The following GRID2 variants were observed in gnomAD, a reference collection of about 807,000 sequenced individuals.
GRID2 encodes glutamate ionotropic receptor delta type subunit 2, also known as glutamate receptor ionotropic, delta-2.
A neutral mutation model predicts 114.8 loss-of-function variants in GRID2; 33 were observed. The observed-to-expected ratio is 0.29, with a 90% CI of 0.22 to 0.38. The LOEUF is 0.38. GRID2 is among the 10% of genes least tolerant of loss of function. The pLI is 1.00. For missense variants in GRID2, 1,184 were observed against 1,257.7 expected (o/e 0.94, Z 0.89); for synonymous variants, 505 against 449.9 (o/e 1.12, Z -1.55).
At chr4:93,473,235 A>G (rs1580182331) in intron 11 of GRID2, among the ~76,000 whole-genome samples, 1 of 152,162 alleles carries the variant, frequency 6.6e-6, no homozygotes, top group South Asian at 2.1e-4. Flanking sequence ...TAGTGGTTCA[A>G]TCTTTGTGCA....
At chr4:93,138,265 G>A (rs1022799310) in intron 4 of GRID2, among the ~76,000 whole-genome samples, 1 of 151,818 alleles carries the variant, frequency 6.6e-6, no homozygotes, top group Non-Finnish European at 1.5e-5. Context: ...GTGAGCCAAG[G>A]CACTCAGCTG....
intron 1 of GRID2, among the ~76,000 whole-genome samples, chr4:92,414,218 T>G (rs963819290): frequency 4.6e-5 from 7 of 152,118 alleles, no homozygotes; most frequent in African/African-American, 1.7e-4. Flanking sequence ...ATGGTAAAAG[T>G]TAAAAGCATC....
intron 8 of GRID2, among the ~76,000 whole-genome samples, chr4:93,382,673 A>G (rs560431156): frequency 1.3e-5 from 2 of 151,846 alleles, no homozygotes; most frequent in South Asian, 2.1e-4. Context: ...GAGCATCTTT[A>G]TTACAGTTGT....
intron 13 of GRID2, among the ~76,000 whole-genome samples, chr4:93,573,343 G>A (rs954113500): frequency 2.0e-5 from 3 of 152,136 alleles, no homozygotes; most frequent in African/African-American, 4.8e-5. Context: ...CACTAATGGA[G>A]TGTCCATCAT....
At chr4:93,595,410 T>C (rs776516686) in intron 13 of GRID2, among the ~76,000 whole-genome samples, 3 of 152,210 alleles carry the variant, frequency 2.0e-5, no homozygotes, top group Middle Eastern at 3.2e-3. Context: ...CCCAGCCCTG[T>C]ATTTACTTGC....
In GRID2 at chr4:93,697,867, G is replaced by GTATATATATATATA. The variant is rs1336222146; in HGVS notation, c.2361-71342_2361-71341insATATATATATATAT. 4.0e-3 allele frequency among the ~76,000 whole-genome samples: 332 copies of GTATATATATATATA among 83,856 alleles called. 7 individuals are homozygous for GTATATATATATATA. The highest frequency in any genetic ancestry group is 0.017 in the Middle Eastern group (3 of 172). 55.0% of individuals were successfully genotyped at this position (83,856 alleles called of 152,430 possible). A position where few individuals can be genotyped will look rare whatever the true frequency, so the allele number is the denominator to read the frequency against. ...GCTCAATTTAGTCATTCCACAATGT[G>GTATATATATATATA]TGTATATATATATTTCAAAACAATA... On this transcript the variant is annotated intron_variant, in intron 14 of 15. Coordinates refer to ENST00000282020, the MANE Select transcript of GRID2 (RefSeq NM_001510.4).
At chr4:93,515,825 G>A (rs1032967570) in intron 13 of GRID2, among the ~76,000 whole-genome samples, 1 of 152,164 alleles carries the variant, frequency 6.6e-6, no homozygotes, top group Non-Finnish European at 1.5e-5. Flanking sequence ...TTGTGATTAT[G>A]TGAAGCTATC....
At chr4:93,439,247 G>A (rs1721393178) in intron 10 of GRID2, among the ~76,000 whole-genome samples, 2 of 152,032 alleles carry the variant, frequency 1.3e-5, no homozygotes, top group South Asian at 2.1e-4. Flanking sequence ...AGATCCCTGA[G>A]GAATCGCCAC....
At chr4:93,663,014 C>T (rs1277945755) in intron 14 of GRID2, among the ~76,000 whole-genome samples, 3 of 152,128 alleles carry the variant, frequency 2.0e-5, no homozygotes, top group Non-Finnish European at 2.9e-5. Context: ...AGGTATCAAG[C>T]GAACTCATTG....
intron 3 of GRID2, among the ~76,000 whole-genome samples, chr4:93,108,983 A>G (rs1732522385): frequency 6.6e-6 from 1 of 152,124 alleles, no homozygotes. Flanking sequence ...AAGCTTGTGT[A>G]TTTTTGATAA....
intron 14 of GRID2, among the ~76,000 whole-genome samples, chr4:93,696,071 A>C (rs1489021724): frequency 6.6e-6 from 1 of 152,238 alleles, no homozygotes; most frequent in Non-Finnish European, 1.5e-5. Context: ...TAATCATTCC[A>C]TATTAAAGCT....
intron 8 of GRID2, among the ~76,000 whole-genome samples, chr4:93,360,571 ATTAAT>A (rs2149274161): frequency 6.6e-6 from 1 of 151,972 alleles, no homozygotes; most frequent in East Asian, 1.9e-4. Flanking sequence ...TATATCTGTT[ATTAAT>A]TTCTAGTATT....
intron 14 of GRID2, among the ~76,000 whole-genome samples, chr4:93,712,145 A>G (rs1234246650): frequency 6.6e-6 from 1 of 151,308 alleles, no homozygotes; most frequent in Non-Finnish European, 1.5e-5. Context: ...TTCAAATTTT[A>G]TTATTACTTT....
intron 2 of GRID2, among the ~76,000 whole-genome samples, chr4:92,958,125 C>A (rs2149146832): frequency 6.6e-6 from 1 of 152,072 alleles, no homozygotes; most frequent in South Asian, 2.1e-4. Flanking sequence ...TCTTCTACAC[C>A]AGTAAGTATA....
chr4:92,475,583 T>C (rs1722265764), intron 1 of GRID2, among the ~76,000 whole-genome samples: 1 of 152,032 alleles, frequency 6.6e-6, no homozygotes, highest in South Asian at 2.1e-4. Context: ...AGCTTTGTAG[T>C]ATTTTTTGAA....
At chr4:93,531,442 G>A (rs1436291202) in intron 13 of GRID2, among the ~76,000 whole-genome samples, 1 of 151,904 alleles carries the variant, frequency 6.6e-6, no homozygotes, top group Non-Finnish European at 1.5e-5. Flanking sequence ...TGAGTTTGGT[G>A]CACCCTTCAA....
chr4:92,316,374 C>A (rs1358877610), intron 1 of GRID2, among the ~76,000 whole-genome samples: 2 of 152,136 alleles, frequency 1.3e-5, no homozygotes, highest in African/African-American at 4.8e-5. Flanking sequence ...AGGGACTGCT[C>A]TTCTGTTCTC....
At chr4:93,034,892 G>A (rs1469357629) in intron 2 of GRID2, among the ~76,000 whole-genome samples, 1 of 152,132 alleles carries the variant, frequency 6.6e-6, no homozygotes, top group African/African-American at 2.4e-5. Flanking sequence ...GGCTGGCCCC[G>A]TGCGTGTTCA....
chr4:92,636,963 G>C (rs1045200276), intron 2 of GRID2, among the ~76,000 whole-genome samples: 1 of 151,842 alleles, frequency 6.6e-6, no homozygotes, highest in Non-Finnish European at 1.5e-5. Context: ...GTTGTCAAAC[G>C]TATTTTCTGA....
Sources: allele counts gnomAD v4.1 joint callset (sites outside exome capture counted in the v4.1 genomes callset), GRCh38; gene constraint gnomAD v4.1.1; transcripts MANE v1.5; gene names NCBI Gene and HGNC (gene_info 2026-07-23, HGNC 2026-07-21).